The following DOCK4 variants were observed in gnomAD, a reference collection of about 807,000 sequenced individuals.
The protein encoded by DOCK4 is dedicator of cytokinesis protein 4.
A neutral mutation model predicts 268.1 loss-of-function variants in DOCK4; 97 were observed. The observed-to-expected ratio is 0.36, with a 90% confidence interval of 0.31 to 0.43. The LOEUF is 0.43. Ranked by LOEUF, DOCK4 falls within the 20% of genes least tolerant of loss-of-function variation. The pLI is 1.00. For missense variants in DOCK4, 2,145 were observed against 2,455.7 expected, an observed-to-expected ratio of 0.87 and a Z score of 2.67; for synonymous variants, 954 against 887.2, an observed-to-expected ratio of 1.08 and a Z score of -1.34.
chr7:111,994,057 T>C (rs1799736407), intron 5 of DOCK4, 78 bp downstream of exon 5: 1 of 904,520 alleles, frequency 1.1e-6, no homozygotes, highest in Admixed American at 2.2e-5. Context: ...GCTATATTAG[T>C]TAATGCTTAC....
chr7:111,757,117 G>A lies in DOCK4; in HGVS notation c.4329+1507C>T, dbSNP rs548781431. 7.2e-5 allele frequency among the ~76,000 whole-genome samples: 11 copies of A among 152,178 alleles called. No homozygotes were observed. In the South Asian group the frequency reaches 1.5e-3, roughly 20 times the overall value. On this transcript the variant is annotated intron_variant, in intron 41 of 52. Coordinates refer to ENST00000428084, the MANE Select transcript of DOCK4 (RefSeq NM_001363540.2). The stretch of plus-strand genomic sequence containing the variant: ...GAGGAAGAGAGAAGCTGAGTGTCGC[G>A]GAGGCTGAGAGGGAGGAGGGGTGAG...
At chr7:111,998,627 C>A in intron 3 of DOCK4, 124 bp from the exon 4 acceptor site, 1 of 530,296 alleles carries the variant, frequency 1.9e-6, no homozygotes, top group Non-Finnish European at 3.2e-6. Flanking sequence ...AGCAACATCT[C>A]TACCACATTC....
Position 111,977,268 on chromosome 7 carries a change from G to T in DOCK4, c.565C>A (p.Arg189=). The change falls in exon 8 of 53, where the codon CGG becomes AGG. Residue 189 remains arginine, a synonymous_variant. Coordinates refer to ENST00000428084, the MANE Select transcript of DOCK4 (RefSeq NM_001363540.2). ...GCCTGCACCGGGGTGTCTTTCTTCCGATGTCGATGTTCCATCTGAATGACA... is the reference window on the plus strand; with the variant it reads ...GCCTGCACCGGGGTGTCTTTCTTCCTATGTCGATGTTCCATCTGAATGACA... ...ELYRLMEHRH[R]KKDTPVQASS... 2.5e-6 allele frequency: 4 copies of T among 1,599,326 alleles called. No individual in the cohort carries two copies. Among genetic ancestry groups the T allele is most frequent in the Non-Finnish European group, 3.4e-6 (4 of 1,172,718 alleles).
At chr7:112,053,976 G>C (rs1805594380) in intron 1 of DOCK4, among the ~76,000 whole-genome samples, 1 of 152,094 alleles carries the variant, frequency 6.6e-6, no homozygotes, top group South Asian at 2.1e-4. Context: ...AAGTCTCTGG[G>C]CATTTCTTAT....
intron 26 of DOCK4, among the ~76,000 whole-genome samples, chr7:111,829,390 A>C (rs962666729): frequency 6.6e-6 from 1 of 152,184 alleles, no homozygotes; most frequent in Non-Finnish European, 1.5e-5. Context: ...TGAGAACAAT[A>C]ATAGCATCAG....
intron 1 of DOCK4, among the ~76,000 whole-genome samples, chr7:112,077,914 C>T (rs776460409): frequency 4.3e-4 from 66 of 151,856 alleles, no homozygotes; most frequent in Non-Finnish European, 8.4e-4. Flanking sequence ...CACATCAAAG[C>T]GGTCCCAGAA....
intron 1 of DOCK4, among the ~76,000 whole-genome samples, chr7:112,153,990 TAGAC>T (rs1028224475): frequency 9.9e-5 from 15 of 152,252 alleles, no homozygotes; most frequent in African/African-American, 3.4e-4. Flanking sequence ...TTGTTGTTGT[TAGAC>T]AGGGTCTCAC....
At chr7:111,956,698 T>A (rs1033374687) in intron 8 of DOCK4, among the ~76,000 whole-genome samples, 1 of 152,214 alleles carries the variant, frequency 6.6e-6, no homozygotes, top group Non-Finnish European at 1.5e-5. Context: ...TTGCAACATG[T>A]GGATTCAGTA....
At chr7:112,023,947 A>C (rs1203582138) in intron 1 of DOCK4, among the ~76,000 whole-genome samples, 1 of 152,240 alleles carries the variant, frequency 6.6e-6, no homozygotes, top group African/African-American at 2.4e-5. Context: ...CGCAGTACAG[A>C]AACATGTCTC....
chr7:111,753,917 G>A (rs1230376541), intron 42 of DOCK4, among the ~76,000 whole-genome samples: 2 of 152,194 alleles, frequency 1.3e-5, no homozygotes, highest in African/African-American at 4.8e-5. Context: ...GCTGATGTTT[G>A]AAAGGTTGTG....
At chr7:111,838,314 A>G (rs1274651396) in intron 25 of DOCK4, among the ~76,000 whole-genome samples, 6 of 152,152 alleles carry the variant, frequency 3.9e-5, no homozygotes, top group African/African-American at 9.6e-5. Context: ...AAGATTTATT[A>G]TAAAACATGA....
intron 1 of DOCK4, among the ~76,000 whole-genome samples, chr7:112,114,506 G>C (rs943291898): frequency 3.9e-5 from 6 of 152,126 alleles, no homozygotes; most frequent in Non-Finnish European, 7.4e-5. Flanking sequence ...ACTATTGTGT[G>C]TCAGTCTACC....
At position 111,741,189 on chromosome 7, in the gene DOCK4, G is replaced by A. The variant is rs1036832028; in HGVS notation, c.4945C>T (p.Arg1649Ter). Residue 1649 changes from arginine to a stop codon, truncating the protein, a stop_gained, in exon 47 of 53, where the codon CGA becomes TGA. Coordinates refer to ENST00000428084, the MANE Select transcript of DOCK4 (RefSeq NM_001363540.2). LOFTEE classifies it high-confidence loss of function. ...RSPLSYPAVN[R>*]YSSSSLSSQA... is the part of the protein sequence containing the mutation. ...GAGGACAGTGAGGAGGAAGAATATC[G>A]GTTGACAGCTGGGTAACTTAACGGG... 1.2e-6 allele frequency: 2 copies of A among 1,613,890 alleles called. No individual in the cohort carries two copies. The highest frequency in any genetic ancestry group is 1.7e-6 in the Non-Finnish European group (2 of 1,179,884).
chr7:111,872,019 C>G lies in DOCK4; in HGVS notation c.1998G>C (p.Glu666Asp). 6.4e-7 allele frequency: 1 copy of G among 1,558,654 alleles called. No individual in the cohort carries two copies. Residue 666 changes from glutamate (E) to aspartate (D), a missense_variant, in exon 20 of 53, where the codon GAG (glutamate) becomes GAC (aspartate). Physicochemically the swap from Glu to Asp is conservative, Grantham distance 45 (BLOSUM62 2). Coordinates refer to ENST00000428084, the MANE Select transcript of DOCK4 (RefSeq NM_001363540.2). The stretch of plus-strand genomic sequence containing the variant: ...ATGCAAGTGCCCCAGCAAAATGACT[C>G]TCAATGTAAGTGTCCATTACAGGTT... ...HFKPVMDTYI[E>D]SHFAGALAYR...
intron 23 of DOCK4, among the ~76,000 whole-genome samples, chr7:111,852,072 C>G (rs779343283): frequency 2.0e-5 from 3 of 150,942 alleles, no homozygotes; most frequent in Non-Finnish European, 4.4e-5. Flanking sequence ...CAGTGATTCT[C>G]CTGTCTCAGC....
rs1024114875 is a variant in DOCK4 at position 111,760,123 on chromosome 7, C to G, written c.4162+58G>C. 5.7e-6 allele frequency: 9 copies of G among 1,590,202 alleles called. No homozygotes were observed. In the African/African-American group the frequency reaches 9.4e-5, roughly 17 times the overall value. Reference sequence around the variant, plus strand: ...GGCTGAACAACCTTGCATGGAAATGCTCTGCAGCTAAGAGCCAGTGCAATC... The same window carrying G: ...GGCTGAACAACCTTGCATGGAAATGGTCTGCAGCTAAGAGCCAGTGCAATC... On this transcript the variant is annotated intron_variant, in intron 40 of 52. Coordinates refer to ENST00000428084, the MANE Select transcript of DOCK4 (RefSeq NM_001363540.2).
At position 111,888,713 on chromosome 7, in the gene DOCK4, C is replaced by A. The variant is rs1317933289; in HGVS notation, c.1587+6899G>T. On this transcript the variant is annotated intron_variant, in intron 16 of 52. Transcript: ENST00000428084. ...TTGTGGAAAACTAATCAGCTACTTA[C>A]CACACCACTCCATCTTCCCCCCTCT... Among the ~76,000 whole-genome samples, 4 of 152,096 alleles carry A rather than the reference C, an allele frequency of 2.6e-5. No individual in the cohort carries two copies. In the East Asian group the frequency reaches 5.8e-4, roughly 22 times the overall value.
intron 16 of DOCK4, among the ~76,000 whole-genome samples, chr7:111,883,037 C>T (rs1334081973): frequency 6.6e-6 from 1 of 152,084 alleles, no homozygotes; most frequent in Non-Finnish European, 1.5e-5. Context: ...TAATAAACAG[C>T]CTCTATACTT....
chr7:111,964,185 GCAACA>G (rs1375130577), intron 8 of DOCK4, among the ~76,000 whole-genome samples: 20 of 141,022 alleles, frequency 1.4e-4, no homozygotes, highest in African/African-American at 5.9e-4. Flanking sequence ...TTCCTCACCA[GCAACA>G]GAACAAAGCT....
Sources: allele counts gnomAD v4.1 joint callset (sites outside exome capture counted in the v4.1 genomes callset), GRCh38; gene constraint gnomAD v4.1.1; transcripts MANE v1.5; gene names NCBI Gene and HGNC (gene_info 2026-07-23, HGNC 2026-07-21).